FGF14: variants seen among roughly 807,000 people sequenced by gnomAD.
FGF14 encodes fibroblast growth factor 14.
A neutral mutation model predicts 25.5 loss-of-function variants in FGF14; 5 were observed. The ratio of observed to expected loss-of-function variants is 0.20; its 90% confidence interval spans 0.10 to 0.41. FGF14 has a LOEUF of 0.41. Ranked by LOEUF, FGF14 falls within the 10% of genes least tolerant of loss-of-function variation. The pLI is 1.00. For synonymous variants in FGF14, 138 were observed against 118.3 expected (o/e 1.17, Z -1.08); for missense variants, 222 against 320.1 (o/e 0.69, Z 2.34).
At chr13:101,947,743 C>T (rs570065881) in intron 1 of FGF14, among the ~76,000 whole-genome samples, 27 of 152,302 alleles carry the variant, frequency 1.8e-4, no homozygotes, top group African/African-American at 3.1e-4. Context: ...CTTCCCACTA[C>T]ATAGGTGACA....
chr13:102,313,577 A>C (rs2055877629), intron 1 of FGF14, among the ~76,000 whole-genome samples: 2 of 150,798 alleles, frequency 1.3e-5, no homozygotes, highest in South Asian at 4.2e-4. Flanking sequence ...TCTCAGAAAT[A>C]CTCCATTTAC....
At chr13:102,338,368 C>T (rs1353314561) in intron 1 of FGF14, among the ~76,000 whole-genome samples, 1 of 152,182 alleles carries the variant, frequency 6.6e-6, no homozygotes, top group East Asian at 1.9e-4. Flanking sequence ...TTTCTGCTTC[C>T]TTAAAAGGAG....
At chr13:101,776,526 C>T (rs960397896) in intron 3 of FGF14, among the ~76,000 whole-genome samples, 5 of 152,098 alleles carry the variant, frequency 3.3e-5, no homozygotes, top group Non-Finnish European at 7.4e-5. Flanking sequence ...TCTCAGCTGG[C>T]AAAAGGCAGC....
At chr13:102,174,244 C>G (rs1244158662) in intron 1 of FGF14, among the ~76,000 whole-genome samples, 1 of 151,620 alleles carries the variant, frequency 6.6e-6, no homozygotes, top group Non-Finnish European at 1.5e-5. Context: ...AAGCAATTCT[C>G]CTACCTCAGT....
intron 1 of FGF14, among the ~76,000 whole-genome samples, chr13:102,285,887 G>A (rs2054070437): frequency 6.6e-6 from 1 of 152,204 alleles, no homozygotes. Context: ...AAGGCAAAGG[G>A]TTGCAGAGTT....
intron 1 of FGF14, among the ~76,000 whole-genome samples, chr13:102,335,400 G>T (rs2056762409): frequency 6.6e-6 from 1 of 151,916 alleles, no homozygotes; most frequent in South Asian, 2.1e-4. Flanking sequence ...CTATGCACTG[G>T]CCTATTCCAT....
chr13:101,967,119 C>T (rs1412633377), intron 1 of FGF14, among the ~76,000 whole-genome samples: 2 of 152,162 alleles, frequency 1.3e-5, no homozygotes, highest in African/African-American at 4.8e-5. Flanking sequence ...AGCACAACAT[C>T]CCAGAGGATG....
At chr13:101,832,972 A>G (rs921105738) in intron 3 of FGF14, among the ~76,000 whole-genome samples, 3 of 152,074 alleles carry the variant, frequency 2.0e-5, no homozygotes, top group Non-Finnish European at 4.4e-5. Flanking sequence ...AAATGAATTT[A>G]CTTTTGTTTG....
chr13:102,001,138 C>G (rs780108529), intron 1 of FGF14, among the ~76,000 whole-genome samples: 1 of 152,012 alleles, frequency 6.6e-6, no homozygotes, highest in Non-Finnish European at 1.5e-5. Context: ...TAGGCAGCAG[C>G]AGGAGCAGAA....
intron 1 of FGF14, among the ~76,000 whole-genome samples, chr13:102,277,473 C>T (rs1026897938): frequency 2.6e-5 from 4 of 152,220 alleles, no homozygotes; most frequent in Non-Finnish European, 4.4e-5. Context: ...GTAGATGATT[C>T]CTCATCAGCT....
At chr13:101,748,086 T>A (rs2037008490) in intron 3 of FGF14, among the ~76,000 whole-genome samples, 1 of 151,872 alleles carries the variant, frequency 6.6e-6, no homozygotes, top group Non-Finnish European at 1.5e-5. Context: ...AAAATAGAAC[T>A]AACATTCAAT....
At chr13:101,723,823 G>A (rs2035171212) in intron 4 of FGF14, among the ~76,000 whole-genome samples, 1 of 151,076 alleles carries the variant, frequency 6.6e-6, no homozygotes, top group African/African-American at 2.4e-5. Context: ...CTGATGGTTG[G>A]GGAAAACTAG....
At chr13:102,036,893 A>G (rs1056485069) in intron 1 of FGF14, among the ~76,000 whole-genome samples, 4 of 152,202 alleles carry the variant, frequency 2.6e-5, no homozygotes, top group Admixed American at 1.3e-4. Flanking sequence ...AAATTCTTGG[A>G]AAGATGAACT....
chr13:102,076,507 T>C (rs2043369544), intron 1 of FGF14, among the ~76,000 whole-genome samples: 1 of 152,148 alleles, frequency 6.6e-6, no homozygotes. Flanking sequence ...GACACATTTC[T>C]CAGAACATAT....
chr13:101,762,683 A>G (rs1488519767), intron 3 of FGF14, among the ~76,000 whole-genome samples: 1 of 152,246 alleles, frequency 6.6e-6, no homozygotes, highest in Non-Finnish European at 1.5e-5. Context: ...GGAGATAACC[A>G]TAGTTCAATC....
rs867491863 is a variant in FGF14 at position 101,940,940 on chromosome 13, A to G, written c.209-65644T>C. ...TGTGGAAAGATCTAGAAGACAGAAA[A>G]TGAAAACAAAGTAAGTTAAGAACAG... On this transcript the variant is annotated intron_variant, in intron 1 of 4. Transcript: ENST00000376131. Among the ~76,000 whole-genome samples the G allele has an allele frequency of 4.6e-5, 7 of 152,326 alleles. No homozygotes were observed. In the South Asian group the frequency reaches 1.5e-3, roughly 32 times the overall value.
chr13:101,733,108 T>C (rs1438924877), intron 3 of FGF14, among the ~76,000 whole-genome samples: 2 of 152,178 alleles, frequency 1.3e-5, no homozygotes, highest in Non-Finnish European at 2.9e-5. Flanking sequence ...TTTACAGTCC[T>C]GAAGTTGAAA....
chr13:102,391,852 T>C (rs2058440172), intron 1 of FGF14, among the ~76,000 whole-genome samples: 1 of 152,224 alleles, frequency 6.6e-6, no homozygotes, highest in African/African-American at 2.4e-5. Context: ...CAGGGTCCTT[T>C]CTTTGCTTAA....
At chr13:102,349,866 C>T (rs1271456661) in intron 1 of FGF14, among the ~76,000 whole-genome samples, 1 of 152,196 alleles carries the variant, frequency 6.6e-6, no homozygotes, top group Non-Finnish European at 1.5e-5. Context: ...ATTACTTTCA[C>T]TAATCAGTAG....
Sources: gnomAD v4.1 joint callset for allele counts (sites outside exome capture counted in the v4.1 genomes callset) on GRCh38, gnomAD v4.1.1 for gene constraint, MANE v1.5 for transcripts, NCBI Gene and HGNC (gene_info 2026-07-23, HGNC 2026-07-21) for gene names.